Variants in CENPA observed in about 807,000 individuals in gnomAD.
CENPA encodes the protein histone H3-like centromeric protein A.
Under a neutral mutation model 17.2 loss-of-function variants are expected in CENPA, and 7 were observed. The observed-to-expected ratio is 0.41, with a 90% CI of 0.23 to 0.76. The LOEUF (loss-of-function observed/expected upper bound fraction) is 0.76. Ranked by LOEUF, CENPA falls within the 30% of genes least tolerant of loss-of-function variation. The pLI, the probability that CENPA is intolerant of heterozygous loss-of-function variation, is 0.34. For synonymous variants in CENPA, 82 were observed against 77.4 expected, an observed-to-expected ratio of 1.06 and a Z score of -0.31; for missense variants, 149 against 193.1, an observed-to-expected ratio of 0.77 and a Z score of 1.35.
At chr2:26,792,020 C>G (rs1056896413) in intron 1 of CENPA, 111 bp from the exon 2 acceptor site, 3 of 888,690 alleles carry the variant, frequency 3.4e-6, no homozygotes, top group East Asian at 5.2e-5. Flanking sequence ...AATCCCTGCT[C>G]TGTGGAGGGT....
intron 1 of CENPA, among the ~76,000 whole-genome samples, chr2:26,789,267 C>T (rs1558298413): frequency 1.3e-5 from 2 of 152,114 alleles, no homozygotes; most frequent in Non-Finnish European, 1.5e-5. Flanking sequence ...TGTGTTCTTA[C>T]TGTGTCTCAG....
intron 3 of CENPA, 74 bp downstream of exon 3, chr2:26,792,907 G>A: frequency 7.2e-7 from 1 of 1,380,274 alleles, no homozygotes; most frequent in Non-Finnish European, 1.0e-6. Flanking sequence ...CTCCAGTGCT[G>A]ACTGGAGTGT....
intron 1 of CENPA, among the ~76,000 whole-genome samples, chr2:26,786,555 A>G (rs1664511720): frequency 6.6e-6 from 1 of 151,924 alleles, no homozygotes; most frequent in African/African-American, 2.4e-5. Context: ...CCCAGCGCCC[A>G]CCGCCCACCG....
intron 3 of CENPA, 77 bp from the exon 4 acceptor site, chr2:26,793,068 T>G: frequency 6.4e-7 from 1 of 1,568,292 alleles, no homozygotes; most frequent in South Asian, 1.1e-5. Flanking sequence ...CCTCAGAGAT[T>G]AAGTTTAGCA....
intron 2 of CENPA, 64 bp downstream of exon 2, chr2:26,792,304 AT>A: frequency 7.9e-7 from 1 of 1,273,250 alleles, no homozygotes; most frequent in African/African-American, 1.5e-5. Context: ...TTTCCCAGGT[AT>A]TAGGGACCCT....
chr2:26,786,110 C>A lies in CENPA; in HGVS notation c.-87C>A. 7.6e-7 allele frequency: 1 copy of A among 1,320,978 alleles called. No homozygotes were observed. Among genetic ancestry groups the A allele is most frequent in the East Asian group, 3.1e-5 (1 of 31,798 alleles). The allele number at this position is 1,320,978 out of a possible 1,614,324, so 81.8% of individuals were successfully genotyped here. A position where few individuals can be genotyped will look rare whatever the true frequency, so the allele number is the denominator to read the frequency against. On this transcript the variant is annotated 5_prime_UTR_variant, in exon 1 of 5. Transcript: ENST00000335756. ...GGCTCGCGGCACAGCGTTCTCTGGGCTCCCCAGAAGCCAGCCTTTCGCTCC... is the reference window on the plus strand; with the variant it reads ...GGCTCGCGGCACAGCGTTCTCTGGGATCCCCAGAAGCCAGCCTTTCGCTCC...
In CENPA at chr2:26,786,137, G is replaced by A; in HGVS notation, c.-60G>A. 1 of 1,359,120 alleles carries A rather than the reference G, an allele frequency of 7.4e-7. No individual in the cohort carries two copies. The highest frequency in any genetic ancestry group is 9.4e-7 in the Non-Finnish European group (1 of 1,060,460). The allele number at this position is 1,359,120 out of a possible 1,614,324, so 84.2% of individuals were successfully genotyped here. On this transcript the variant is annotated 5_prime_UTR_variant, in exon 1 of 5. Coordinates refer to ENST00000335756, the MANE Select transcript of CENPA (RefSeq NM_001809.4). The stretch of plus-strand genomic sequence containing the variant: ...CCCCAGAAGCCAGCCTTTCGCTCCC[G>A]GACCCGGCAGCCCGAGCAGGAGCCG...
At chr2:26,786,441 GT>G in intron 1 of CENPA, 145 bp downstream of exon 1, 1 of 1,151,052 alleles carries the variant, frequency 8.7e-7, no homozygotes, top group Non-Finnish European at 1.1e-6. Context: ...GGCACGGGCG[GT>G]GCCAGCCCTG....
intron 1 of CENPA, among the ~76,000 whole-genome samples, chr2:26,789,442 C>G (rs73923356): frequency 2.6e-5 from 4 of 152,086 alleles, no homozygotes; most frequent in Admixed American, 6.6e-5. Flanking sequence ...CTTTCTACCC[C>G]CTCCCTAGGT....
rs1225432406 is a variant in CENPA at position 26,793,934 on chromosome 2, AAGG to A, written c.*173_*175del. On this transcript the variant is annotated 3_prime_UTR_variant, in exon 5 of 5. Coordinates refer to ENST00000335756, the MANE Select transcript of CENPA (RefSeq NM_001809.4). ...TTTAAATATTTTTCTTTTTTTTGAG[AAGG>A]AGAAGACTGCATGACTTTCCTCTGT... The A allele has an allele frequency of 1.3e-5, 2 of 152,068 alleles. No homozygotes were observed. The highest frequency in any genetic ancestry group is 2.4e-5 in the African/African-American group (1 of 41,408). 9.4% of individuals were successfully genotyped at this position (152,068 alleles called of 1,614,324 possible).
chr2:26,787,656 C>A (rs777174066), intron 1 of CENPA, among the ~76,000 whole-genome samples: 66 of 152,164 alleles, frequency 4.3e-4, no homozygotes, highest in Non-Finnish European at 2.4e-4. Flanking sequence ...GCTGGGACTA[C>A]AGGCATATGC....
In CENPA at chr2:26,793,236, A is replaced by G. The variant is rs1664653127; in HGVS notation, c.380A>G (p.Gln127Arg). Reference protein sequence around the residue: ...GRVTLFPKDVQLARRIRGLEE... With the variant: ...GRVTLFPKDVRLARRIRGLEE... ...GTTACTCTCTTCCCAAAGGATGTGCAACTGGCCCGGAGGATCCGGGGCCTT... is the reference window on the plus strand; with the variant it reads ...GTTACTCTCTTCCCAAAGGATGTGCGACTGGCCCGGAGGATCCGGGGCCTT... The change falls in exon 4 of 5, where the codon CAA becomes CGA. Residue 127 changes from glutamine to arginine, a missense_variant. Physicochemically the swap from Gln to Arg is conservative, Grantham distance 43. Coordinates refer to ENST00000335756, the MANE Select transcript of CENPA (RefSeq NM_001809.4). 6.2e-7 allele frequency: 1 copy of G among 1,614,050 alleles called. No individual in the cohort carries two copies. The highest frequency in any genetic ancestry group is 1.3e-5 in the African/African-American group (1 of 74,922).
At chr2:26,789,829 G>C (rs971862310) in intron 1 of CENPA, among the ~76,000 whole-genome samples, 1 of 80,484 alleles carries the variant, frequency 1.2e-5, no homozygotes, top group Non-Finnish European at 3.4e-5. Context: ...AGCAGCTCTC[G>C]AGCAACTGTG....
At chr2:26,791,905 G>T (rs1664621433) in intron 1 of CENPA, among the ~76,000 whole-genome samples, 1 of 152,162 alleles carries the variant, frequency 6.6e-6, no homozygotes, top group South Asian at 2.1e-4. Flanking sequence ...TTTTCTAATT[G>T]CTGAAGATAG....
Position 26,792,216 on chromosome 2 carries a change from A to G in CENPA, c.186A>G (p.Ile62Met). ...RKLQKSTHLL[I>M]RKLPFSRLAR... ...TTCAGAAGAGCACACACCTCTTGAT[A>G]AGGAAGCTGCCCTTCAGCCGCCTGG... Residue 62 changes from isoleucine to methionine, a missense_variant, in exon 2 of 5, where the codon ATA becomes ATG. Around this residue, in one of 2 missense-constraint regions of CENPA, gnomAD observed 54 missense variants for 105.7 expected, o/e 0.51. Transcript: ENST00000335756. 6.2e-7 allele frequency: 1 copy of G among 1,613,704 alleles called. No individual in the cohort carries two copies. Among genetic ancestry groups the G allele is most frequent in the Non-Finnish European group, 8.5e-7 (1 of 1,179,840 alleles).
chr2:26,792,168 T>C lies in CENPA; in HGVS notation c.138T>C (p.Gly46=). 6.2e-7 allele frequency: 1 copy of C among 1,614,050 alleles called. No individual in the cohort carries two copies. Among genetic ancestry groups the C allele is most frequent in the Non-Finnish European group, 8.5e-7 (1 of 1,179,974 alleles). The change falls in exon 2 of 5, where the codon GGT becomes GGC. Residue 46 remains glycine (G), a synonymous_variant. Transcript: ENST00000335756. ...SSHQHSRRRQ[G]WLKEIRKLQK... ...ATCAACACAGTCGGCGGAGACAAGG[T>C]TGGCTAAAGGAGATCCGAAAGCTTC...
intron 1 of CENPA, among the ~76,000 whole-genome samples, chr2:26,787,017 C>G (rs1034623510): frequency 1.3e-5 from 2 of 152,220 alleles, no homozygotes; most frequent in African/African-American, 4.8e-5. Context: ...TTACTTATCT[C>G]TTAACTCTTG....
chr2:26,792,837 A>C lies in CENPA; in HGVS notation c.288+4A>C. 6.2e-7 allele frequency: 1 copy of C among 1,613,852 alleles called. No homozygotes were observed. Among genetic ancestry groups the C allele is most frequent in the Non-Finnish European group, 8.5e-7 (1 of 1,179,734 alleles). Reference sequence around the variant, plus strand: ...GGCCCTATTGGCCCTACAAGAGGTAAGAAGGCACCAAGGCACAATTGGGTG... The same window carrying C: ...GGCCCTATTGGCCCTACAAGAGGTACGAAGGCACCAAGGCACAATTGGGTG... On this transcript the variant is annotated splice_donor_region_variant and intron_variant, in intron 3 of 4. Transcript: ENST00000335756.
rs559275712 is a variant in CENPA, at chr2:26,786,691, C to T, written c.100+395C>T. ...GAGCAGAGTCACACAACTTGGTGTT[C>T]TGGCGGACACGGGATTTCCAATCCT... On this transcript the variant is annotated intron_variant, in intron 1 of 4. Transcript: ENST00000335756. 1.2e-4 allele frequency among the ~76,000 whole-genome samples: 18 copies of T among 152,382 alleles called. No individual in the cohort carries two copies. The East Asian group carries it at 3.1e-3, about 26-fold the overall frequency.
Sources: allele counts gnomAD v4.1 joint callset (sites outside exome capture counted in the v4.1 genomes callset), GRCh38; gene constraint gnomAD v4.1.1; regional missense constraint gnomAD v4.1.1; transcripts MANE v1.5; gene names NCBI Gene and HGNC (gene_info 2026-07-23, HGNC 2026-07-21).